The following PTPRK variants were observed in gnomAD, a reference collection of about 807,000 sequenced individuals.
PTPRK encodes the protein protein tyrosine phosphatase receptor type K.
Under a neutral mutation model 178.0 loss-of-function variants are expected in PTPRK, and 75 were observed. The observed-to-expected ratio is 0.42, with a 90% CI of 0.35 to 0.51. The LOEUF (loss-of-function observed/expected upper bound fraction) is 0.51, where lower values mean the gene tolerates loss of function less well. Among genes scored for constraint, PTPRK ranks in the 20% least tolerant of loss-of-function variants. PTPRK has a pLI of 0.02. For synonymous variants in PTPRK, 637 were observed against 620.6 expected, an observed-to-expected ratio of 1.03 and a Z score of -0.39; for missense variants, 1,441 against 1,797.8, an observed-to-expected ratio of 0.80 and a Z score of 3.59.
intron 1 of PTPRK, among the ~76,000 whole-genome samples, chr6:128,416,193 T>C (rs1236696912): frequency 6.6e-6 from 1 of 152,024 alleles, no homozygotes; most frequent in Non-Finnish European, 1.5e-5. Flanking sequence ...CAAAAAAGAC[T>C]TCACAGAAGA....
intron 11 of PTPRK, among the ~76,000 whole-genome samples, chr6:128,077,261 G>C (rs1297846796): frequency 6.6e-6 from 1 of 151,928 alleles, no homozygotes; most frequent in Non-Finnish European, 1.5e-5. Flanking sequence ...TTTCTACTTT[G>C]GATCAGCAAT....
At chr6:128,233,937 G>T (rs1406232479) in intron 5 of PTPRK, among the ~76,000 whole-genome samples, 1 of 152,192 alleles carries the variant, frequency 6.6e-6, no homozygotes, top group Non-Finnish European at 1.5e-5. Context: ...GATGGATGGA[G>T]TCATTAGTAT....
chr6:128,278,105 T>A (rs996444505), intron 3 of PTPRK, among the ~76,000 whole-genome samples: 2 of 151,690 alleles, frequency 1.3e-5, no homozygotes, highest in African/African-American at 4.8e-5. Flanking sequence ...AAGGAAACAA[T>A]GCAGGTGTTT....
intron 1 of PTPRK, among the ~76,000 whole-genome samples, chr6:128,422,704 A>AAC (rs35373652): frequency 1.4e-5 from 2 of 141,232 alleles, no homozygotes; most frequent in Non-Finnish European, 3.0e-5. Context: ...AAAAAAAAAA[A>AAC]CCTGAGCATT....
chr6:128,067,895 T>C, intron 11 of PTPRK, 103 bp from the exon 12 acceptor site: 1 of 1,090,580 alleles, frequency 9.2e-7, no homozygotes, highest in Non-Finnish European at 1.2e-6. Context: ...ACACACCACA[T>C]TTCAAAGTAT....
rs1257366688 is a variant in PTPRK at position 127,996,990 on chromosome 6, T to C, written c.2680-2A>G. The C allele has an allele frequency of 6.2e-7, 1 of 1,610,836 alleles. No homozygotes were observed. The highest frequency in any genetic ancestry group is 8.5e-7 in the Non-Finnish European group (1 of 1,178,150). On this transcript the variant is annotated splice_acceptor_variant, in intron 16 of 29. Transcript: ENST00000368226. LOFTEE classifies it high-confidence loss of function. ...TGCTGACTGTCCTTCAAAAAAGCTC[T>C]GGGAAAACAAAACGAATAAGCAGAC...
intron 5 of PTPRK, among the ~76,000 whole-genome samples, chr6:128,239,592 G>A (rs1203197415): frequency 6.6e-6 from 1 of 152,018 alleles, no homozygotes; most frequent in Admixed American, 6.6e-5. Context: ...AATTTAATTG[G>A]CTCTCTTCCA....
chr6:128,245,850 C>T (rs1043324279), intron 3 of PTPRK, among the ~76,000 whole-genome samples: 3 of 152,128 alleles, frequency 2.0e-5, no homozygotes, highest in African/African-American at 7.2e-5. Flanking sequence ...CTGGTACAGA[C>T]CACTTTCTCA....
intron 1 of PTPRK, among the ~76,000 whole-genome samples, chr6:128,420,724 G>A (rs755876653): frequency 6.6e-6 from 1 of 152,154 alleles, no homozygotes; most frequent in Non-Finnish European, 1.5e-5. Context: ...AATAAATCAC[G>A]AAAGATTTTG....
At position 128,300,876 on chromosome 6, in the gene PTPRK, A is replaced by T. The variant is rs1055004307; in HGVS notation, c.495+21163T>A. 1.6e-3 allele frequency among the ~76,000 whole-genome samples: 236 copies of T among 152,100 alleles called. 1 individual carries two copies. Among genetic ancestry groups the T allele is most frequent in the Middle Eastern group, 0.01 (3 of 294 alleles). ...AAAGTATAATAATAAAATAAAATTT[A>T]AAAAAAATTACAATATGTCCTTACC... On this transcript the variant is annotated intron_variant, in intron 3 of 29. Transcript: ENST00000368226.
intron 3 of PTPRK, among the ~76,000 whole-genome samples, chr6:128,273,052 C>CAGA (rs1820121993): frequency 6.6e-6 from 1 of 152,108 alleles, no homozygotes; most frequent in African/African-American, 2.4e-5. Flanking sequence ...AGTTCATGTC[C>CAGA]TTTGTAGGGA....
chr6:128,192,475 T>C (rs531096391), intron 6 of PTPRK, among the ~76,000 whole-genome samples: 9 of 152,138 alleles, frequency 5.9e-5, no homozygotes, highest in Non-Finnish European at 1.3e-4. Context: ...ATAGAATGAA[T>C]GACTGCCTTA....
chr6:128,285,020 C>T (rs990220102), intron 3 of PTPRK, among the ~76,000 whole-genome samples: 1 of 152,110 alleles, frequency 6.6e-6, no homozygotes, highest in African/African-American at 2.4e-5. Flanking sequence ...CAAATGGAGA[C>T]CTTATTATTT....
intron 6 of PTPRK, among the ~76,000 whole-genome samples, chr6:128,205,742 G>A (rs1017910460): frequency 3.2e-5 from 4 of 123,208 alleles, no homozygotes; most frequent in Non-Finnish European, 6.2e-5. Flanking sequence ...CTGAACTCTA[G>A]CCTGGACAAC....
intron 3 of PTPRK, among the ~76,000 whole-genome samples, chr6:128,295,267 T>C (rs981152465): frequency 1.3e-5 from 2 of 152,090 alleles, no homozygotes; most frequent in Non-Finnish European, 2.9e-5. Context: ...AAAACCACTA[T>C]TGGATAGTGG....
intron 7 of PTPRK, among the ~76,000 whole-genome samples, chr6:128,170,177 CCAAGG>C (rs1223470002): frequency 6.6e-6 from 1 of 151,914 alleles, no homozygotes; most frequent in Non-Finnish European, 1.5e-5. Flanking sequence ...ACAAAACAGA[CCAAGG>C]CAGATCCTGA....
At chr6:128,360,105 A>G (rs759330865) in intron 2 of PTPRK, among the ~76,000 whole-genome samples, 38 of 152,346 alleles carry the variant, frequency 2.5e-4, no homozygotes, top group Admixed American at 4.6e-4. Context: ...CCAAGATTTT[A>G]TAACAGAAAA....
intron 14 of PTPRK, chr6:128,008,178 A>C (rs934395532): frequency 4.5e-6 from 3 of 662,914 alleles, no homozygotes; most frequent in Non-Finnish European, 4.7e-6. Context: ...CTATAATGTT[A>C]ATGCTTTATT....
At chr6:128,006,533 T>C (rs904578331) in intron 14 of PTPRK, among the ~76,000 whole-genome samples, 1 of 150,994 alleles carries the variant, frequency 6.6e-6, no homozygotes, top group Non-Finnish European at 1.5e-5. Flanking sequence ...CAAGTTATTA[T>C]ATCTTAATGG....
Sources: allele counts gnomAD v4.1 joint callset (sites outside exome capture counted in the v4.1 genomes callset), GRCh38; gene constraint gnomAD v4.1.1; transcripts MANE v1.5; gene names NCBI Gene and HGNC (gene_info 2026-07-23, HGNC 2026-07-21).